Variants in MICAL2 observed in about 807,000 individuals in gnomAD.
MICAL2 encodes the protein [F-actin]-monooxygenase MICAL2.
MICAL2 carries 77 observed loss-of-function variants against 127.3 expected under a neutral mutation model. That is an observed-to-expected ratio of 0.60 (90% CI 0.50 to 0.73). The LOEUF (loss-of-function observed/expected upper bound fraction) is 0.73. Ranked by LOEUF, MICAL2 falls within the 30% of genes least tolerant of loss-of-function variation. The pLI is 0.00. For synonymous variants in MICAL2, 570 were observed against 551.1 expected (o/e 1.03, Z -0.48); for missense variants, 1,351 against 1,434.4 (o/e 0.94, Z 0.94).
chr11:12,327,433 C>T (rs1376197667), intron 32 of MICAL2, among the ~76,000 whole-genome samples: 3 of 152,244 alleles, frequency 2.0e-5, no homozygotes, highest in Non-Finnish European at 2.9e-5. Flanking sequence ...TATTGTTTCT[C>T]GGCCTTTTGG....
downstream of MICAL2, chr11:12,293,431 A>T (rs1432125261): frequency 8.4e-7 from 1 of 1,188,332 alleles, no homozygotes; most frequent in East Asian, 2.5e-5. Context: ...AGGCAAAATT[A>T]TTTTTTAATT....
At chr11:12,298,347 A>T (rs1864010325) in intron 29 of MICAL2, among the ~76,000 whole-genome samples, 1 of 152,064 alleles carries the variant, frequency 6.6e-6, no homozygotes, top group Admixed American at 6.6e-5. Flanking sequence ...TTTTGTACCC[A>T]TCCATTTTAT....
rs145740483 is a variant in MICAL2 at position 12,223,451 on chromosome 11, C to T, written c.1490C>T (p.Pro497Leu). 902 of 1,614,094 alleles carry T rather than the reference C, an allele frequency of 5.6e-4. 3 individuals are homozygous for T. In the East Asian group the frequency reaches 9.0e-3, roughly 16 times the overall value. ...LYITKELEHY[P>L]LERLGSVRRS... ...ATCACTAAGGAGCTGGAGCACTACCCTCTCGAGAGACTGGGCTCGGTGAGG... is the reference window on the plus strand; with the variant it reads ...ATCACTAAGGAGCTGGAGCACTACCTTCTCGAGAGACTGGGCTCGGTGAGG... The change falls in exon 12 of 28, where the codon CCT (proline) becomes CTT (leucine). Residue 497 changes from proline to leucine, a missense_variant. By Grantham distance (98) the Pro-to-Leu change is moderately conservative (BLOSUM62 -3). This residue lies in a region of MICAL2 where 599 missense variants were observed against 714.9 expected (regional missense o/e 0.84). Transcript: ENST00000683283.
At chr11:12,170,293 T>C (rs1354840904) in intron 3 of MICAL2, among the ~76,000 whole-genome samples, 4 of 151,778 alleles carry the variant, frequency 2.6e-5, no homozygotes, top group Non-Finnish European at 5.9e-5. Flanking sequence ...ATACAAAAAA[T>C]AGAAAAATTA....
chr11:12,167,491 C>T (rs972008962), intron 3 of MICAL2, among the ~76,000 whole-genome samples: 8 of 152,072 alleles, frequency 5.3e-5, no homozygotes, highest in African/African-American at 1.2e-4. Flanking sequence ...GGGGTGACAC[C>T]GGGAGCAAAG....
At chr11:12,347,797 G>A (rs367673061) in intron 32 of MICAL2, among the ~76,000 whole-genome samples, 1 of 152,038 alleles carries the variant, frequency 6.6e-6, no homozygotes, top group Non-Finnish European at 1.5e-5. Context: ...GTGTCTATGT[G>A]GGACTGGGTC....
chr11:12,316,192 A>G (rs1864229616), intron 29 of MICAL2, among the ~76,000 whole-genome samples: 1 of 151,938 alleles, frequency 6.6e-6, no homozygotes, highest in South Asian at 2.1e-4. Context: ...AATATATAGC[A>G]GGTTCTTGCT....
At chr11:12,221,598 G>A (rs201232330) in intron 9 of MICAL2, 46 bp from the exon 10 acceptor site, 248 of 1,337,494 alleles carry the variant, frequency 1.9e-4, no homozygotes, top group Middle Eastern at 1.5e-3. Context: ...ATCATAGATC[G>A]GGAGTCATCA....
At chr11:12,350,046 G>C in intron 33 of MICAL2, 1 of 766,722 alleles carries the variant, frequency 1.3e-6, no homozygotes, top group South Asian at 1.7e-5. Flanking sequence ...TGTGCATACA[G>C]AATAGTGATT....
intron 32 of MICAL2, among the ~76,000 whole-genome samples, chr11:12,329,433 C>A (rs759203518): frequency 3.9e-5 from 6 of 152,126 alleles, no homozygotes; most frequent in Non-Finnish European, 8.8e-5. Flanking sequence ...AAAGCCAGGG[C>A]GTGCTTCAGT....
chr11:12,204,226 C>T (rs1854384769), intron 3 of MICAL2, 24 bp from the exon 4 acceptor site: 1 of 1,607,090 alleles, frequency 6.2e-7, no homozygotes, highest in South Asian at 1.1e-5. Flanking sequence ...TACCAAGAGT[C>T]TCTCTCCTCT....
intron 4 of MICAL2, among the ~76,000 whole-genome samples, chr11:12,207,173 G>C (rs1854804311): frequency 6.6e-6 from 1 of 151,938 alleles, no homozygotes; most frequent in Non-Finnish European, 1.5e-5. Flanking sequence ...TTGGCTTCCA[G>C]GACCCCCACT....
chr11:12,152,541 A>C (rs78623141), intron 2 of MICAL2, among the ~76,000 whole-genome samples: 7,590 of 152,046 alleles, frequency 0.05, 259 homozygotes, highest in South Asian at 0.13. Flanking sequence ...GAGAGCTAAG[A>C]CCAGGGAACT....
intron 1 of MICAL2, among the ~76,000 whole-genome samples, chr11:12,131,343 C>G (rs1204573915): frequency 6.6e-6 from 1 of 152,124 alleles, no homozygotes; most frequent in East Asian, 1.9e-4. Context: ...TAGAATTGCC[C>G]CAAGGTAATG....
downstream of MICAL2, among the ~76,000 whole-genome samples, chr11:12,295,079 T>A (rs1863968949): frequency 6.6e-6 from 1 of 152,048 alleles, no homozygotes; most frequent in African/African-American, 2.4e-5. Flanking sequence ...TACGACCACT[T>A]TCTCATTTAT....
chr11:12,290,757 G>A (rs557785415), downstream of MICAL2, among the ~76,000 whole-genome samples: 2 of 152,318 alleles, frequency 1.3e-5, no homozygotes, highest in Admixed American at 6.5e-5. Flanking sequence ...GACCGTGTGC[G>A]TGTGGTGCCA....
intron 26 of MICAL2, chr11:12,260,791 CTGT>C (rs1431815068): frequency 5.1e-6 from 5 of 985,354 alleles, no homozygotes; most frequent in Non-Finnish European, 6.0e-6. Context: ...GGGAGGAGGA[CTGT>C]TTTGCTCCCT....
chr11:12,192,231 C>T (rs1046069706), intron 3 of MICAL2, among the ~76,000 whole-genome samples: 3 of 152,216 alleles, frequency 2.0e-5, no homozygotes, highest in African/African-American at 7.2e-5. Context: ...AGTGCACACA[C>T]GTGCAAGTGC....
intron 3 of MICAL2, among the ~76,000 whole-genome samples, chr11:12,193,357 C>T (rs1257343189): frequency 6.6e-6 from 1 of 152,208 alleles, no homozygotes; most frequent in Non-Finnish European, 1.5e-5. Context: ...GTAATCTCTC[C>T]CTTGTTGACC....
Sources: gnomAD v4.1 joint callset for allele counts (sites outside exome capture counted in the v4.1 genomes callset) on GRCh38, gnomAD v4.1.1 for gene constraint, gnomAD v4.1.1 regional missense constraint, MANE v1.5 for transcripts, NCBI Gene and HGNC (gene_info 2026-07-23, HGNC 2026-07-21) for gene names.